CDC14A: variants seen among roughly 807,000 people sequenced by gnomAD.
CDC14A encodes dual specificity protein phosphatase CDC14A.
In CDC14A, 53 loss-of-function variants were observed where a neutral mutation model predicts 74.4. The observed-to-expected ratio is 0.71, with a 90% confidence interval of 0.57 to 0.89. The LOEUF (loss-of-function observed/expected upper bound fraction) is 0.89, where lower values mean the gene tolerates loss of function less well. CDC14A is among the 40% of genes least tolerant of loss of function. The pLI is 0.00. For missense variants in CDC14A, 646 were observed against 713.7 expected (o/e 0.91, Z 1.08); for synonymous variants, 247 against 258.4 (o/e 0.96, Z 0.43).
rs186903237 is a variant in CDC14A at position 100,415,015 on chromosome 1, A to T, written c.310-9207A>T. On this transcript the variant is annotated intron_variant, in intron 4 of 15. Transcript: ENST00000336454. ...CATGAACTCACCTCAGGCAGAAGAG[A>T]AGCATTGTGTCACTGAGACAATGCT... Among the ~76,000 whole-genome samples, 556 of 152,196 alleles carry T rather than the reference A, an allele frequency of 3.7e-3. 2 individuals carry two copies. The highest frequency in any genetic ancestry group is 0.013 in the African/African-American group (536 of 41,538).
chr1:100,395,668 G>A (rs1251065599), intron 4 of CDC14A, among the ~76,000 whole-genome samples: 1 of 152,134 alleles, frequency 6.6e-6, no homozygotes, highest in African/African-American at 2.4e-5. Context: ...TTTTAAAATT[G>A]TAAATTAGAT....
At chr1:100,445,428 T>C (rs997688663) in intron 7 of CDC14A, among the ~76,000 whole-genome samples, 1 of 152,118 alleles carries the variant, frequency 6.6e-6, no homozygotes, top group Admixed American at 6.6e-5. Flanking sequence ...AAAACCTGGA[T>C]CTCTGCCCCA....
At chr1:100,389,233 A>G (rs1457049674) in intron 3 of CDC14A, among the ~76,000 whole-genome samples, 1 of 149,818 alleles carries the variant, frequency 6.7e-6, no homozygotes, top group Non-Finnish European at 1.5e-5. Context: ...AGCCATTTTC[A>G]GATAATGTGA....
At chr1:100,411,544 T>C (rs1275673465) in intron 4 of CDC14A, among the ~76,000 whole-genome samples, 3 of 152,220 alleles carry the variant, frequency 2.0e-5, no homozygotes, top group African/African-American at 7.2e-5. Context: ...TCTGACTTAC[T>C]GAAGCCCAAA....
chr1:100,483,027 A>G (rs954492785), intron 10 of CDC14A, among the ~76,000 whole-genome samples: 1 of 152,092 alleles, frequency 6.6e-6, no homozygotes, highest in Non-Finnish European at 1.5e-5. Flanking sequence ...TGTCTTTGCT[A>G]TTGTGAATAG....
At chr1:100,379,984 A>C (rs1655868941) in intron 3 of CDC14A, among the ~76,000 whole-genome samples, 1 of 152,132 alleles carries the variant, frequency 6.6e-6, no homozygotes, top group Admixed American at 6.6e-5. Context: ...CCAAGGCCCC[A>C]CCTCTTAACA....
intron 10 of CDC14A, among the ~76,000 whole-genome samples, chr1:100,477,973 T>C (rs914578536): frequency 6.6e-5 from 10 of 152,312 alleles, no homozygotes; most frequent in African/African-American, 2.4e-4. Context: ...GTAAGAGAGA[T>C]GTTTATTAGC....
chr1:100,348,342 T>C (rs1385584663), upstream of CDC14A, among the ~76,000 whole-genome samples: 1 of 151,594 alleles, frequency 6.6e-6, no homozygotes, highest in Non-Finnish European at 1.5e-5. Flanking sequence ...TAAAATTTAA[T>C]TCTTTTGTTT....
chr1:100,393,149 T>C, intron 4 of CDC14A: 1 of 1,524,340 alleles, frequency 6.6e-7, no homozygotes, highest in Admixed American at 1.7e-5. Flanking sequence ...TTACTACAGA[T>C]ATCCAATTTG....
intron 7 of CDC14A, among the ~76,000 whole-genome samples, chr1:100,444,353 T>A (rs1473082030): frequency 2.6e-5 from 4 of 152,186 alleles, no homozygotes; most frequent in Admixed American, 2.6e-4. Context: ...CAGGCTGCCT[T>A]ACACACACCT....
intron 11 of CDC14A, among the ~76,000 whole-genome samples, chr1:100,489,202 CTA>C (rs1288873290): frequency 5.9e-5 from 9 of 152,184 alleles, no homozygotes; most frequent in Admixed American, 3.9e-4. Flanking sequence ...GAAAAGAACT[CTA>C]GAGATGACCC....
Position 100,499,095 on chromosome 1 carries a change from G to C in CDC14A, c.1588G>C (p.Glu530Gln). ...CCAGCCAACTACCAGAAATTACCCT[G>C]AGCTCAACAATAATCAGTACAACAG... ...SSQPTTRNYP[E>Q]LNNNQYNRSS... Residue 530 changes from glutamate (E) to glutamine (Q), a missense_variant, in exon 15 of 16, where the codon GAG (glutamate) becomes CAG (glutamine). Physicochemically the swap from Glu to Gln is conservative, Grantham distance 29. Coordinates refer to ENST00000336454, the MANE Select transcript of CDC14A (RefSeq NM_003672.4). 6.2e-7 allele frequency: 1 copy of C among 1,614,110 alleles called. No individual in the cohort carries two copies. Among genetic ancestry groups the C allele is most frequent in the East Asian group, 2.2e-5 (1 of 44,884 alleles).
At chr1:100,423,048 C>T (rs1662549157) in intron 4 of CDC14A, among the ~76,000 whole-genome samples, 1 of 152,050 alleles carries the variant, frequency 6.6e-6, no homozygotes, top group South Asian at 2.1e-4. Flanking sequence ...GAATTAAGCT[C>T]GTTTCTGACT....
chr1:100,466,594 G>A (rs930338702), intron 9 of CDC14A, among the ~76,000 whole-genome samples: 1 of 152,122 alleles, frequency 6.6e-6, no homozygotes, highest in African/African-American at 2.4e-5. Context: ...GGGTTAGCCG[G>A]GAGTGGTGGC....
chr1:100,354,964 G>T (rs1157155101), intron 2 of CDC14A, among the ~76,000 whole-genome samples: 1 of 152,212 alleles, frequency 6.6e-6, no homozygotes, highest in Non-Finnish European at 1.5e-5. Context: ...TCTTGAAACT[G>T]AGGTCTGCGA....
intron 2 of CDC14A, among the ~76,000 whole-genome samples, chr1:100,355,366 G>A (rs1340044167): frequency 6.6e-6 from 1 of 152,196 alleles, no homozygotes; most frequent in Non-Finnish European, 1.5e-5. Flanking sequence ...GGAGATCTGA[G>A]TCACTTCTCT....
intron 5 of CDC14A, among the ~76,000 whole-genome samples, chr1:100,436,846 C>T (rs986835799): frequency 1.7e-4 from 26 of 152,138 alleles, no homozygotes; most frequent in African/African-American, 5.3e-4. Context: ...TTCTCTTATT[C>T]TCCTAGTCTT....
At chr1:100,509,223 C>T (rs1483767636) in intron 15 of CDC14A, among the ~76,000 whole-genome samples, 2 of 152,176 alleles carry the variant, frequency 1.3e-5, no homozygotes, top group African/African-American at 4.8e-5. Flanking sequence ...CTAAGTCTAA[C>T]CTCCTCCTCT....
chr1:100,490,880 T>C (rs552628818), intron 11 of CDC14A, among the ~76,000 whole-genome samples: 1 of 152,212 alleles, frequency 6.6e-6, no homozygotes, highest in Non-Finnish European at 1.5e-5. Flanking sequence ...ATTAAAAATG[T>C]ATGCAGTATT....
Sources: gnomAD v4.1 joint callset for allele counts (sites outside exome capture counted in the v4.1 genomes callset) on GRCh38, gnomAD v4.1.1 for gene constraint, MANE v1.5 for transcripts, NCBI Gene and HGNC (gene_info 2026-07-23, HGNC 2026-07-21) for gene names.